The following AGAP1 variants were observed in gnomAD, a reference collection of about 807,000 sequenced individuals.
The protein encoded by AGAP1 is ArfGAP with GTPase domain, ankyrin repeat and PH domain 1.
AGAP1 carries 29 observed loss-of-function variants against 105.3 expected under a neutral mutation model. The ratio of observed to expected loss-of-function variants is 0.28; its 90% CI spans 0.21 to 0.38. The LOEUF is 0.38. AGAP1 is among the 10% of genes least tolerant of loss of function. The pLI, the probability that AGAP1 is intolerant of heterozygous loss-of-function variation, is 1.00. For missense variants in AGAP1, 998 were observed against 1,165.1 expected (o/e 0.86, Z 2.09); for synonymous variants, 509 against 485.9 (o/e 1.05, Z -0.63).
intron 13 of AGAP1, among the ~76,000 whole-genome samples, chr2:235,985,540 A>G (rs913973791): frequency 6.6e-6 from 1 of 152,178 alleles, no homozygotes; most frequent in Non-Finnish European, 1.5e-5. Flanking sequence ...TATGTCCTGA[A>G]TGGTATTGGC....
chr2:235,819,121 T>TC (rs1172869876), intron 9 of AGAP1, among the ~76,000 whole-genome samples: 4 of 150,884 alleles, frequency 2.7e-5, no homozygotes, highest in Non-Finnish European at 5.9e-5. Flanking sequence ...TCTTTTCTTT[T>TC]TTTTTTTTTT....
Position 236,120,486 on chromosome 2 carries a change from G to A in AGAP1, c.2370+39G>A. The A allele has an allele frequency of 6.2e-7, 1 of 1,608,622 alleles. No homozygotes were observed. Among genetic ancestry groups the A allele is most frequent in the Non-Finnish European group, 8.5e-7 (1 of 1,178,558 alleles). ...ACGCCTGGCAGAGGACGGGGCCACA[G>A]GAGGCACTCTCTGCTTTGTTCTGCT... On this transcript the variant is annotated intron_variant, in intron 17 of 17. Transcript: ENST00000304032. The surrounding 1 kb of genome is among the most constrained non-coding windows in gnomAD (Gnocchi z 6.0).
intron 16 of AGAP1, among the ~76,000 whole-genome samples, chr2:236,111,804 A>G (rs1020906600): frequency 7.9e-5 from 12 of 151,546 alleles, no homozygotes; most frequent in East Asian, 3.9e-4. Flanking sequence ...AAAAAAAAAA[A>G]AAAGAAAGGG....
At chr2:235,558,068 G>A (rs1240898364) in intron 1 of AGAP1, among the ~76,000 whole-genome samples, 2 of 152,190 alleles carry the variant, frequency 1.3e-5, no homozygotes, top group African/African-American at 4.8e-5. Context: ...GGCACGGGCT[G>A]TGGAGAAGCG....
intron 1 of AGAP1, among the ~76,000 whole-genome samples, chr2:235,607,882 A>G (rs1266396585): frequency 6.6e-6 from 1 of 152,238 alleles, no homozygotes; most frequent in East Asian, 1.9e-4. Context: ...AAGGATAGAT[A>G]ATATCTAGAT....
intron 16 of AGAP1, among the ~76,000 whole-genome samples, chr2:236,102,244 T>C (rs368908326): frequency 0.016 from 2,381 of 151,766 alleles, 22 homozygotes; most frequent in Non-Finnish European, 0.021. Flanking sequence ...GGTGAAACCC[T>C]GTTTCTACTA....
intron 6 of AGAP1, among the ~76,000 whole-genome samples, chr2:235,790,550 T>G (rs1398711221): frequency 6.6e-6 from 1 of 152,148 alleles, no homozygotes. Flanking sequence ...TTCCAAAGCA[T>G]AGATCTCTTC....
chr2:235,931,146 G>GCCTCCTTATTC lies in AGAP1; in HGVS notation c.1483+223_1483+224insCCTCCTTATTC. The stretch of plus-strand genomic sequence containing the variant: ...TCTCATCTGTTCCTCTTTGGCACAG[G>GCCTCCTTATTC]GAGGAGGTAGTCATCCCATTTGGTC... On this transcript the variant is annotated intron_variant, in intron 12 of 17. Coordinates refer to ENST00000304032, the MANE Select transcript of AGAP1 (RefSeq NM_001037131.3). This position sits in a 1 kb window ranked among gnomAD's most constrained non-coding sequence, Gnocchi z 5.6. Among the ~76,000 whole-genome samples, 1 of 152,214 alleles carries GCCTCCTTATTC rather than the reference G, an allele frequency of 6.6e-6. No individual in the cohort carries two copies. The highest frequency in any genetic ancestry group is 1.5e-5 in the Non-Finnish European group (1 of 68,036).
intron 1 of AGAP1, among the ~76,000 whole-genome samples, chr2:235,511,491 C>T (rs1942108341): frequency 6.6e-6 from 1 of 152,102 alleles, no homozygotes; most frequent in Admixed American, 6.5e-5. Context: ...CTCCCTCACT[C>T]CTCCCATTGC....
chr2:235,738,053 G>T (rs536451211), intron 3 of AGAP1, among the ~76,000 whole-genome samples: 1 of 152,196 alleles, frequency 6.6e-6, no homozygotes, highest in Non-Finnish European at 1.5e-5. Flanking sequence ...AGGACACAGG[G>T]TCGGGACGGT....
rs1559171084 is a variant in AGAP1 at position 235,993,402 on chromosome 2, C to T, written c.1645+24779C>T. Among the ~76,000 whole-genome samples the T allele has an allele frequency of 6.6e-6, 1 of 152,200 alleles. No individual in the cohort carries two copies. The highest frequency in any genetic ancestry group is 6.5e-5 in the Admixed American group (1 of 15,286). On this transcript the variant is annotated intron_variant, in intron 13 of 17. Transcript: ENST00000304032. This position sits in a 1 kb window ranked among gnomAD's most constrained non-coding sequence, Gnocchi z 5.0. ...ACTCGTCTCAGATATTTCCTGGTGTCCCTGAAAGTCCAGCACAGTGTGTGC... is the reference window on the plus strand; with the variant it reads ...ACTCGTCTCAGATATTTCCTGGTGTTCCTGAAAGTCCAGCACAGTGTGTGC...
chr2:235,869,163 A>C (rs2049317268), intron 9 of AGAP1, among the ~76,000 whole-genome samples: 1 of 152,198 alleles, frequency 6.6e-6, no homozygotes, highest in Admixed American at 6.5e-5. Context: ...GCAGGGAGGC[A>C]GCATAGCAGC....
chr2:235,734,961 A>C lies in AGAP1; in HGVS notation c.311-6002A>C, dbSNP rs1952161888. ...TGTTGCCAGTGATGTTTGCGTCATA[A>C]GATGGGGTGAGGGCTAACGGAGATG... On this transcript the variant is annotated intron_variant, in intron 3 of 17. Coordinates refer to ENST00000304032, the MANE Select transcript of AGAP1 (RefSeq NM_001037131.3). This position sits in a 1 kb window ranked among gnomAD's most constrained non-coding sequence, Gnocchi z 5.3. Among the ~76,000 whole-genome samples the C allele has an allele frequency of 8.0e-6, 1 of 124,902 alleles. No homozygotes were observed. The highest frequency in any genetic ancestry group is 2.6e-5 in the African/African-American group (1 of 39,144). 81.9% of individuals were successfully genotyped at this position (124,902 alleles called of 152,430 possible).
In AGAP1 at chr2:235,732,325, C is replaced by T. The variant is rs1442322911; in HGVS notation, c.311-8638C>T. ...TCCTCTGTGTCAGAAACTCAGCTTT[C>T]AGCCTTGTCTCTTCTGCTCCTTACT... is the stretch of plus-strand genomic sequence containing the variant. On this transcript the variant is annotated intron_variant, in intron 3 of 17. Transcript: ENST00000304032. The surrounding 1 kb of genome is among the most constrained non-coding windows in gnomAD (Gnocchi z 4.8). 6.6e-6 allele frequency among the ~76,000 whole-genome samples: 1 copy of T among 152,198 alleles called. No homozygotes were observed. Among genetic ancestry groups the T allele is most frequent in the East Asian group, 1.9e-4 (1 of 5,184 alleles).
At chr2:235,626,020 T>C (rs1946624829) in intron 1 of AGAP1, among the ~76,000 whole-genome samples, 1 of 152,132 alleles carries the variant, frequency 6.6e-6, no homozygotes, top group Non-Finnish European at 1.5e-5. Context: ...AATTGGGAAG[T>C]GTGATATCTG....
intron 1 of AGAP1, among the ~76,000 whole-genome samples, chr2:235,617,782 T>C (rs747211452): frequency 6.6e-6 from 1 of 152,226 alleles, no homozygotes; most frequent in Non-Finnish European, 1.5e-5. Flanking sequence ...GAAACATGTC[T>C]TGCATACATG....
In AGAP1 at chr2:235,962,095, G is replaced by A. The variant is rs2125316863; in HGVS notation, c.1484-6367G>A. Among the ~76,000 whole-genome samples, 1 of 152,176 alleles carries A rather than the reference G, an allele frequency of 6.6e-6. No homozygotes were observed. Among genetic ancestry groups the A allele is most frequent in the South Asian group, 2.1e-4 (1 of 4,816 alleles). Reference sequence around the variant, plus strand: ...TTGTTTTGTTTTGTTTCAGTGAAGTGAAAAGTGAGGTCATCGTGAGGATGG... The same window carrying A: ...TTGTTTTGTTTTGTTTCAGTGAAGTAAAAAGTGAGGTCATCGTGAGGATGG... On this transcript the variant is annotated intron_variant, in intron 12 of 17. Coordinates refer to ENST00000304032, the MANE Select transcript of AGAP1 (RefSeq NM_001037131.3). This position sits in a 1 kb window ranked among gnomAD's most constrained non-coding sequence, Gnocchi z 5.3.
At chr2:236,024,276 A>G (rs916153711) in intron 13 of AGAP1, among the ~76,000 whole-genome samples, 8 of 152,040 alleles carry the variant, frequency 5.3e-5, no homozygotes, top group Non-Finnish European at 1.2e-4. Context: ...AGCTCAGGCA[A>G]TCCACCCACC....
In AGAP1 at chr2:236,114,315, AT is replaced by A. The variant is rs2059718810; in HGVS notation, c.2115-5876del. On this transcript the variant is annotated intron_variant, in intron 16 of 17. Transcript: ENST00000304032. This position sits in a 1 kb window ranked among gnomAD's most constrained non-coding sequence, Gnocchi z 5.0. ...ACCATTTGAGTCTGTGTGCTTTGAC[AT>A]CATGGCTTCTTAGGGCAAATGCCTC... Among the ~76,000 whole-genome samples, 1 of 152,210 alleles carries A rather than the reference AT, an allele frequency of 6.6e-6. No individual in the cohort carries two copies. The highest frequency in any genetic ancestry group is 6.5e-5 in the Admixed American group (1 of 15,282).
Sources: allele counts gnomAD v4.1 joint callset (sites outside exome capture counted in the v4.1 genomes callset), GRCh38; gene constraint gnomAD v4.1.1; non-coding constraint Gnocchi (gnomAD v3.1); transcripts MANE v1.5; gene names NCBI Gene and HGNC (gene_info 2026-07-23, HGNC 2026-07-21).